COL4A4: variants seen among roughly 807,000 people sequenced by gnomAD.
COL4A4 encodes collagen alpha-4(IV) chain.
Under a neutral mutation model 192.9 loss-of-function variants are expected in COL4A4, and 105 were observed. The ratio of observed to expected loss-of-function variants is 0.54; its 90% confidence interval spans 0.46 to 0.64. The LOEUF (loss-of-function observed/expected upper bound fraction) is 0.64. COL4A4 is among the 30% of genes least tolerant of loss of function. The pLI is 0.00. For missense variants in COL4A4, 1,967 were observed against 2,169.3 expected (o/e 0.91, Z 1.85); for synonymous variants, 762 against 769.9 (o/e 0.99, Z 0.17).
chr2:227,020,033 G>A (rs560013494), intron 44 of COL4A4, among the ~76,000 whole-genome samples: 172 of 152,236 alleles, frequency 1.1e-3, no homozygotes, highest in Non-Finnish European at 2.2e-3. Flanking sequence ...ATATTCTGCT[G>A]GCTATTTCTT....
rs551744091 is a variant in COL4A4 at position 227,044,439 on chromosome 2, G to A, written c.3290-1255C>T. 2.6e-5 allele frequency among the ~76,000 whole-genome samples: 4 copies of A among 152,230 alleles called. No individual in the cohort carries two copies. In the South Asian group the frequency reaches 6.2e-4, roughly 24 times the overall value. On this transcript the variant is annotated intron_variant, in intron 35 of 47. Transcript: ENST00000396625. ...TCTCTGTATTTACAAACCATGCTGGGGGGGCTATAGTCATCATTTATTATA... is the reference window on the plus strand; with the variant it reads ...TCTCTGTATTTACAAACCATGCTGGAGGGGCTATAGTCATCATTTATTATA...
intron 44 of COL4A4, among the ~76,000 whole-genome samples, chr2:227,014,430 T>G (rs909185935): frequency 6.6e-6 from 1 of 152,260 alleles, no homozygotes; most frequent in Non-Finnish European, 1.5e-5. Context: ...GGTGATGACC[T>G]TGGCGGCATA....
intron 2 of COL4A4, among the ~76,000 whole-genome samples, chr2:227,145,341 G>A (rs1356981979): frequency 5.3e-5 from 8 of 152,064 alleles, no homozygotes; most frequent in Non-Finnish European, 7.4e-5. Flanking sequence ...CAGCTACTCC[G>A]GAGGCTGAGA....
chr2:227,027,783 T>C (rs1225456082), intron 42 of COL4A4, 119 bp downstream of exon 42: 1 of 808,078 alleles, frequency 1.2e-6, no homozygotes, highest in African/African-American at 1.7e-5. Flanking sequence ...ACTCTTAATA[T>C]AAGAAAAGGG....
chr2:227,053,862 C>T (rs1314995266), intron 31 of COL4A4, among the ~76,000 whole-genome samples: 1 of 151,256 alleles, frequency 6.6e-6, no homozygotes, highest in Non-Finnish European at 1.5e-5. Flanking sequence ...CTTTTTTTTT[C>T]AAATGAAGCT....
chr2:227,074,937 C>A (rs1373174028), intron 25 of COL4A4, among the ~76,000 whole-genome samples: 3 of 151,904 alleles, frequency 2.0e-5, no homozygotes, highest in Non-Finnish European at 4.4e-5. Flanking sequence ...AGGAAGAATT[C>A]AAATCTGGTT....
chr2:227,132,002 T>C (rs1017886350), intron 4 of COL4A4, among the ~76,000 whole-genome samples: 1 of 152,170 alleles, frequency 6.6e-6, no homozygotes, highest in South Asian at 2.1e-4. Context: ...AGAGAATACA[T>C]TTCTGTTGTA....
intron 25 of COL4A4, among the ~76,000 whole-genome samples, chr2:227,073,213 T>C (rs1381612902): frequency 2.6e-5 from 4 of 152,086 alleles, no homozygotes; most frequent in Non-Finnish European, 5.9e-5. Context: ...GGTTACAAAA[T>C]CATTGTACAT....
chr2:226,969,689 T>C, the COL4A4 span, among the ~76,000 whole-genome samples: 1 of 152,200 alleles, frequency 6.6e-6, no homozygotes. Flanking sequence ...TAAAGCCATA[T>C]GCATTTTGAA....
At chr2:227,039,191 G>C (rs1298539279) in intron 37 of COL4A4, among the ~76,000 whole-genome samples, 1 of 152,152 alleles carries the variant, frequency 6.6e-6, no homozygotes, top group Non-Finnish European at 1.5e-5. Context: ...GCTTGAGACA[G>C]AGTCTTGCTC....
At chr2:227,095,854 C>A (rs1021239424) in intron 19 of COL4A4, among the ~76,000 whole-genome samples, 2 of 152,154 alleles carry the variant, frequency 1.3e-5, no homozygotes, top group African/African-American at 4.8e-5. Flanking sequence ...AAGATCGTGT[C>A]ATTGCACTCT....
At chr2:227,032,782 C>T (rs1968717134) in intron 38 of COL4A4, among the ~76,000 whole-genome samples, 2 of 152,202 alleles carry the variant, frequency 1.3e-5, no homozygotes, top group South Asian at 2.1e-4. Context: ...CTCTCTCCAA[C>T]AATAAATTCA....
chr2:227,128,495 A>G (rs1049559461), intron 4 of COL4A4, among the ~76,000 whole-genome samples: 4 of 152,010 alleles, frequency 2.6e-5, no homozygotes, highest in African/African-American at 9.7e-5. Context: ...CTGTTAATTC[A>G]TCTCACACAT....
At chr2:227,078,527 G>A (rs887613102) in intron 24 of COL4A4, among the ~76,000 whole-genome samples, 10 of 152,232 alleles carry the variant, frequency 6.6e-5, no homozygotes, top group Admixed American at 2.0e-4. Flanking sequence ...CAGCCACCGC[G>A]CCTGGCCAAT....
chr2:227,111,774 T>C (rs997465561), intron 8 of COL4A4, 61 bp from the exon 9 acceptor site: 31 of 1,539,118 alleles, frequency 2.0e-5, no homozygotes, highest in Non-Finnish European at 2.6e-5. Flanking sequence ...AGAGATTATG[T>C]AAAAATAGAA....
At chr2:227,155,328 C>G (rs1284885456) in intron 1 of COL4A4, among the ~76,000 whole-genome samples, 1 of 152,120 alleles carries the variant, frequency 6.6e-6, no homozygotes, top group African/African-American at 2.4e-5. Flanking sequence ...TTATCATTTT[C>G]CCCTTGAGGT....
chr2:227,058,306 A>G (rs772702418), intron 28 of COL4A4, among the ~76,000 whole-genome samples: 1 of 152,076 alleles, frequency 6.6e-6, no homozygotes, highest in Non-Finnish European at 1.5e-5. Flanking sequence ...GTTCTTTCCA[A>G]TTATTCCTCT....
intron 4 of COL4A4, among the ~76,000 whole-genome samples, chr2:227,132,134 C>T (rs1340114976): frequency 1.3e-5 from 2 of 152,208 alleles, no homozygotes; most frequent in East Asian, 1.9e-4. Flanking sequence ...TGCTAACCCA[C>T]AGCTCCCTGT....
Position 227,121,056 on chromosome 2 carries a change from C to T in COL4A4, c.285G>A (p.Gly95=), listed in dbSNP as rs773796669. ...CTGCTGCTCCAGGAGGGCCGCGGTC[C>T]CCTCTCATTCCTTTCTCTCCTGAAA... ...IGLSGEKGMR[G]DRGPPGAAGD... Residue 95 remains glycine, a synonymous_variant, in exon 5 of 48, where the codon GGG becomes GGA. Coordinates refer to ENST00000396625, the MANE Select transcript of COL4A4 (RefSeq NM_000092.5). 3.8e-5 allele frequency: 62 copies of T among 1,614,028 alleles called. No homozygotes were observed. Among genetic ancestry groups the T allele is most frequent in the Non-Finnish European group, 3.8e-5 (45 of 1,180,030 alleles).
Sources: gnomAD v4.1 joint callset for allele counts (sites outside exome capture counted in the v4.1 genomes callset) on GRCh38, gnomAD v4.1.1 for gene constraint, MANE v1.5 for transcripts, NCBI Gene and HGNC (gene_info 2026-07-23, HGNC 2026-07-21) for gene names.